The following ATOX1 variants were observed in gnomAD, a reference collection of about 807,000 sequenced individuals.
ATOX1 encodes antioxidant 1 copper chaperone.
In ATOX1, 4 loss-of-function variants were observed where a neutral mutation model predicts 7.3. The observed-to-expected ratio is 0.55, with a 90% CI of 0.27 to 1.25. The LOEUF is 1.25. ATOX1 is among the 50% of genes most tolerant of loss of function. The pLI is 0.12. For missense variants in ATOX1, 68 were observed against 81.6 expected (o/e 0.83, Z 0.64); for synonymous variants, 25 against 28.7 (o/e 0.87, Z 0.41).
intron 3 of ATOX1, chr5:151,743,338 T>C (rs1761843343): frequency 6.6e-6 from 1 of 152,166 alleles, no homozygotes; most frequent in African/African-American, 2.4e-5. Context: ...GGCAAATAAA[T>C]CTGCCAAGAG....
intron 1 of ATOX1, among the ~76,000 whole-genome samples, chr5:151,753,405 G>A (rs1761975143): frequency 1.3e-5 from 2 of 152,196 alleles, no homozygotes; most frequent in Admixed American, 6.5e-5. Context: ...GGAAATTAGA[G>A]CCTAGTACTA....
chr5:151,749,875 T>A (rs778997683), intron 2 of ATOX1, among the ~76,000 whole-genome samples: 3 of 152,158 alleles, frequency 2.0e-5, no homozygotes, highest in Non-Finnish European at 2.9e-5. Context: ...GGCCAGCCAC[T>A]GACTTGCTGC....
At chr5:151,756,674 A>G (rs1166789082) in intron 1 of ATOX1, among the ~76,000 whole-genome samples, 1 of 151,862 alleles carries the variant, frequency 6.6e-6, no homozygotes, top group Non-Finnish European at 1.5e-5. Context: ...GGGTTTCATC[A>G]TGTTGCCAAA....
At chr5:151,746,817 T>C (rs1761884597) in intron 2 of ATOX1, among the ~76,000 whole-genome samples, 1 of 152,110 alleles carries the variant, frequency 6.6e-6, no homozygotes, top group African/African-American at 2.4e-5. Context: ...CACTGCAACC[T>C]CCACCTCCTG....
rs573003394 is a variant in ATOX1 at position 151,758,424 on chromosome 5, G to A, written c.6+122C>T. 109 of 1,347,232 alleles carry A rather than the reference G, an allele frequency of 8.1e-5. No homozygotes were observed. The East Asian group carries it at 3.1e-3, about 38-fold the overall frequency. 83.5% of individuals were successfully genotyped at this position (1,347,232 alleles called of 1,614,324 possible). A position where few individuals can be genotyped will look rare whatever the true frequency, so the allele number is the denominator to read the frequency against. ...GGGGGCTGGGTGGGGTAAGCTAGGG[G>A]ACAACAGCGGCTCCGGCCGCCGCCT... On this transcript the variant is annotated intron_variant, in intron 1 of 3. Transcript: ENST00000313115.
intron 1 of ATOX1, among the ~76,000 whole-genome samples, chr5:151,755,043 A>C (rs1761997302): frequency 6.6e-6 from 1 of 151,182 alleles, no homozygotes; most frequent in South Asian, 2.1e-4. Context: ...TCATTTGTTT[A>C]CTTTTGCACT....
At position 151,758,606 on chromosome 5, in the gene ATOX1, T is replaced by G. The variant is rs1238666270; in HGVS notation, c.-55A>C. 8.7e-6 allele frequency: 12 copies of G among 1,376,744 alleles called. No homozygotes were observed. The highest frequency in any genetic ancestry group is 1.1e-5 in the Non-Finnish European group (12 of 1,057,048). 85.3% of individuals were successfully genotyped at this position (1,376,744 alleles called of 1,614,324 possible). A position where few individuals can be genotyped will look rare whatever the true frequency, so the allele number is the denominator to read the frequency against. ...GTGGCGGCGGTGTCAGCAGCGCCTCTCTGGATTCGGAGGGCGGGTTCGGCT... is the reference window on the plus strand; with the variant it reads ...GTGGCGGCGGTGTCAGCAGCGCCTCGCTGGATTCGGAGGGCGGGTTCGGCT... On this transcript the variant is annotated 5_prime_UTR_variant, in exon 1 of 4. Coordinates refer to ENST00000313115, the MANE Select transcript of ATOX1 (RefSeq NM_004045.4).
chr5:151,746,399 C>T lies in ATOX1; in HGVS notation c.133G>A (p.Glu45Lys). 6.2e-7 allele frequency: 1 copy of T among 1,613,920 alleles called. No individual in the cohort carries two copies. The highest frequency in any genetic ancestry group is 1.1e-5 in the South Asian group (1 of 91,074). Residue 45 changes from glutamate to lysine, a missense_variant, in exon 3 of 4, where the codon GAG becomes AAG. By Grantham distance (56) the Glu-to-Lys change is moderately conservative. Transcript: ENST00000313115. ...LPNKKVCIES[E>K]HSMDTLLATL... ...GCAAGCAGAGTGTCCATGCTGTGCT[C>T]AGATTCAATGCAGACCTTCTTGTTG...
chr5:151,750,698 G>A (rs1396747519), intron 2 of ATOX1, among the ~76,000 whole-genome samples: 8 of 130,874 alleles, frequency 6.1e-5, no homozygotes, highest in Admixed American at 1.8e-4. Flanking sequence ...CCCCACTGCA[G>A]TGCAGTGGCA....
intron 1 of ATOX1, among the ~76,000 whole-genome samples, chr5:151,755,077 T>C (rs1341213413): frequency 6.6e-6 from 1 of 151,952 alleles, no homozygotes; most frequent in East Asian, 1.9e-4. Context: ...TGAGTAGTTG[T>C]ACCAGAGACC....
chr5:151,749,362 G>A (rs1485466043), intron 2 of ATOX1, among the ~76,000 whole-genome samples: 8 of 152,012 alleles, frequency 5.3e-5, no homozygotes, highest in Admixed American at 2.6e-4. Context: ...GCCTGAGCCT[G>A]TAATCCCAGA....
intron 2 of ATOX1, among the ~76,000 whole-genome samples, chr5:151,748,239 T>C (rs892001492): frequency 6.6e-6 from 1 of 152,156 alleles, no homozygotes; most frequent in Non-Finnish European, 1.5e-5. Context: ...AGGAAAACTC[T>C]TGATAGGTTC....
At position 151,758,601 on chromosome 5, in the gene ATOX1, G is replaced by T. The variant is rs1015893487; in HGVS notation, c.-50C>A. ...GCGGTGTGGCGGCGGTGTCAGCAGC[G>T]CCTCTCTGGATTCGGAGGGCGGGTT... On this transcript the variant is annotated 5_prime_UTR_variant, in exon 1 of 4. Coordinates refer to ENST00000313115, the MANE Select transcript of ATOX1 (RefSeq NM_004045.4). 1.4e-6 allele frequency: 2 copies of T among 1,386,504 alleles called. No homozygotes were observed. Among genetic ancestry groups the T allele is most frequent in the Non-Finnish European group, 1.9e-6 (2 of 1,062,404 alleles). The allele number at this position is 1,386,504 out of a possible 1,614,324, so 85.9% of individuals were successfully genotyped here.
intron 1 of ATOX1, chr5:151,753,717 C>G (rs1420071862): frequency 6.6e-6 from 1 of 152,180 alleles, no homozygotes; most frequent in African/African-American, 2.4e-5. Flanking sequence ...GTGCAGCTCC[C>G]AGACACCTGC....
intron 3 of ATOX1, chr5:151,745,538 C>G (rs1328552014): frequency 6.6e-6 from 1 of 152,274 alleles, no homozygotes; most frequent in South Asian, 2.1e-4. Context: ...GCGAAGAGTG[C>G]TGGCACAGTG....
chr5:151,755,757 T>C (rs1378047434), intron 1 of ATOX1, among the ~76,000 whole-genome samples: 1 of 152,152 alleles, frequency 6.6e-6, no homozygotes, highest in East Asian at 1.9e-4. Flanking sequence ...ATCTATTTCA[T>C]GGACAGAGTA....
intron 1 of ATOX1, among the ~76,000 whole-genome samples, chr5:151,757,962 CG>C (rs1000176831): frequency 9.9e-5 from 15 of 152,258 alleles, no homozygotes; most frequent in Non-Finnish European, 1.5e-4. Flanking sequence ...GGTGACTGTG[CG>C]GGGGGGTTCC....
intron 2 of ATOX1, among the ~76,000 whole-genome samples, chr5:151,750,954 C>T (rs1761941802): frequency 1.3e-5 from 2 of 151,846 alleles, no homozygotes; most frequent in Admixed American, 1.3e-4. Context: ...TGCCCAGCCC[C>T]ATTTAAAAAA....
At chr5:151,752,135 C>G in intron 1 of ATOX1, 1 of 625,966 alleles carries the variant, frequency 1.6e-6, no homozygotes, top group Non-Finnish European at 2.9e-6. Context: ...ACCAGTAACT[C>G]TGACAGGGAT....
Sources: gnomAD v4.1 joint callset for allele counts (sites outside exome capture counted in the v4.1 genomes callset) on GRCh38, gnomAD v4.1.1 for gene constraint, MANE v1.5 for transcripts, NCBI Gene and HGNC (gene_info 2026-07-23, HGNC 2026-07-21) for gene names.